Variants in SYNE1 observed in about 807,000 individuals in gnomAD.
The protein encoded by SYNE1 is spectrin repeat containing nuclear envelope protein 1, also known as nesprin-1.
A neutral mutation model predicts 1,111.0 loss-of-function variants in SYNE1; 616 were observed. The observed-to-expected ratio is 0.55, with a 90% CI of 0.52 to 0.59. The LOEUF is 0.59. Ranked by LOEUF, SYNE1 falls within the 20% of genes least tolerant of loss-of-function variation. The pLI is 0.00. For missense variants in SYNE1, 10,006 were observed against 10,417.0 expected (o/e 0.96, Z 1.72); for synonymous variants, 3,855 against 3,825.8 (o/e 1.01, Z -0.28).
chr6:152,247,853 T>TTC lies in SYNE1; in HGVS notation c.19572+1307_19572+1308insGA, dbSNP rs1188965897. Among the ~76,000 whole-genome samples, 4 of 83,900 alleles carry TTC rather than the reference T, an allele frequency of 4.8e-5. No homozygotes were observed. The South Asian group carries it at 1.5e-3, about 32-fold the overall frequency. 55.0% of individuals were successfully genotyped at this position (83,900 alleles called of 152,430 possible). A position where few individuals can be genotyped will look rare whatever the true frequency, so the allele number is the denominator to read the frequency against. ...TGCAAACTATTTTGAGAGGTGTTCT[T>TTC]TAACACACACACACACACACACACA... On this transcript the variant is annotated intron_variant, in intron 105 of 145. Coordinates refer to ENST00000367255, the MANE Select transcript of SYNE1 (RefSeq NM_182961.4).
At chr6:152,439,805 A>G (rs548073821) in intron 32 of SYNE1, among the ~76,000 whole-genome samples, 34 of 152,280 alleles carry the variant, frequency 2.2e-4, no homozygotes, top group African/African-American at 7.7e-4. Context: ...CAGTCTTTCT[A>G]TAAACCCCAA....
chr6:152,401,176 C>A lies in SYNE1; in HGVS notation c.6991G>T (p.Ala2331Ser), dbSNP rs2097809640. 1 of 1,613,992 alleles carries A rather than the reference C, an allele frequency of 6.2e-7. No individual in the cohort carries two copies. The highest frequency in any genetic ancestry group is 1.3e-5 in the African/African-American group (1 of 74,922). ...AATGCTTCACAAGTCTCATTTTGGG[C>A]ACAGTTCATCAACGATTCTTCCACT... Reference protein sequence around the residue: ...TKVEESLMNCAQNETCEALKK... With the variant: ...TKVEESLMNCSQNETCEALKK... Residue 2331 changes from alanine (A) to serine (S), a missense_variant, in exon 47 of 146, where the codon GCC (alanine) becomes TCC (serine). Around this residue, in one of 7 missense-constraint regions of SYNE1, gnomAD observed 4,955 missense variants for 5,017.2 expected, o/e 0.99. Transcript: ENST00000367255.
At chr6:152,319,791 T>G (rs920823260) in intron 84 of SYNE1, 1 of 152,118 alleles carries the variant, frequency 6.6e-6, no homozygotes, top group African/African-American at 2.4e-5. Flanking sequence ...GAAATACATA[T>G]GAATAAGGCT....
At chr6:152,164,957 A>G (rs2063317312) in intron 130 of SYNE1, among the ~76,000 whole-genome samples, 1 of 152,168 alleles carries the variant, frequency 6.6e-6, no homozygotes, top group Admixed American at 6.5e-5. Context: ...AAAATATGTC[A>G]AGAGCAACAT....
chr6:152,300,504 T>C (rs2095111256), intron 93 of SYNE1, 137 bp downstream of exon 93: 5 of 1,247,372 alleles, frequency 4.0e-6, no homozygotes, highest in Non-Finnish European at 5.8e-6. Flanking sequence ...TTTGTGCAAC[T>C]ATAACACCTA....
intron 105 of SYNE1, among the ~76,000 whole-genome samples, chr6:152,246,866 A>T (rs994192820): frequency 1.3e-5 from 2 of 152,196 alleles, no homozygotes; most frequent in Non-Finnish European, 2.9e-5. Flanking sequence ...AAAGCCTTGA[A>T]ACTCCAAAAG....
chr6:152,187,066 A>C, intron 128 of SYNE1, among the ~76,000 whole-genome samples: 1 of 152,252 alleles, frequency 6.6e-6, no homozygotes, highest in East Asian at 1.9e-4. Flanking sequence ...GCGTAAATCC[A>C]TGTAAATTCC....
intron 3 of SYNE1, among the ~76,000 whole-genome samples, chr6:152,602,239 C>A (rs1051830890): frequency 6.6e-6 from 1 of 152,100 alleles, no homozygotes; most frequent in African/African-American, 2.4e-5. Context: ...CTTTCAAGTT[C>A]AAGTAAGCTC....
At chr6:152,373,381 G>A (rs1372433078) in intron 58 of SYNE1, among the ~76,000 whole-genome samples, 162 bp from the exon 59 acceptor site, 2 of 151,930 alleles carry the variant, frequency 1.3e-5, no homozygotes, top group African/African-American at 4.8e-5. Flanking sequence ...CTGCGTTCAA[G>A]CAATTCTCCT....
At chr6:152,304,050 A>G (rs2095296416) in intron 91 of SYNE1, among the ~76,000 whole-genome samples, 1 of 152,236 alleles carries the variant, frequency 6.6e-6, no homozygotes, top group South Asian at 2.1e-4. Context: ...ATAGTATAGG[A>G]ATTTTTAAAA....
chr6:152,496,171 C>G (rs1006309959), intron 11 of SYNE1, among the ~76,000 whole-genome samples: 1 of 152,164 alleles, frequency 6.6e-6, no homozygotes, highest in African/African-American at 2.4e-5. Context: ...TCCTCTTCCC[C>G]TCATGACACC....
At chr6:152,270,581 G>C (rs1284115404) in intron 98 of SYNE1, among the ~76,000 whole-genome samples, 4 of 152,188 alleles carry the variant, frequency 2.6e-5, no homozygotes, top group Admixed American at 2.6e-4. Context: ...TTCTGAATGA[G>C]AGCTTTTCTA....
Position 152,399,679 on chromosome 6 carries a change from C to A in SYNE1, c.7174G>T (p.Val2392Leu). 6.2e-7 allele frequency: 1 copy of A among 1,614,130 alleles called. No homozygotes were observed. The highest frequency in any genetic ancestry group is 8.5e-7 in the Non-Finnish European group (1 of 1,180,010). Residue 2392 changes from valine to leucine, a missense_variant, in exon 48 of 146, where the codon GTG becomes TTG. Physicochemically the swap from Val to Leu is conservative, Grantham distance 32 (BLOSUM62 1). Around this residue, in one of 7 missense-constraint regions of SYNE1, gnomAD observed 4,955 missense variants for 5,017.2 expected, o/e 0.99. Transcript: ENST00000367255. ...MTGLIKKHEA[V>L]SQLCSKTQAS... ...TGGGTTTTGGAGCACAACTGGCTCACGGCTTCATGTTTCTTTATCAGACCA... is the reference window on the plus strand; with the variant it reads ...TGGGTTTTGGAGCACAACTGGCTCAAGGCTTCATGTTTCTTTATCAGACCA...
rs1394635601 is a variant in SYNE1 at position 152,139,978 on chromosome 6, G to A, written c.25430C>T (p.Thr8477Ile). The A allele has an allele frequency of 6.2e-6, 10 of 1,613,862 alleles. No homozygotes were observed. Among genetic ancestry groups the A allele is most frequent in the African/African-American group, 1.3e-5 (1 of 74,924 alleles). The change falls in exon 140 of 146, where the codon ACC becomes ATC. Residue 8477 changes from threonine to isoleucine, a missense_variant. Physicochemically the swap from Thr to Ile is moderately conservative, Grantham distance 89. Coordinates refer to ENST00000367255, the MANE Select transcript of SYNE1 (RefSeq NM_182961.4). ...QRLELSTDIQ[T>I]IELQIKKLKE... is the part of the protein sequence containing the mutation. ...GAGCTTTTTGATCTGGAGCTCGATG[G>A]TCTGGATGTCAGTGCTGAGTTCCAG...
intron 53 of SYNE1, 52 bp from the exon 54 acceptor site, chr6:152,387,433 T>A (rs2097540855): frequency 6.4e-7 from 1 of 1,571,858 alleles, no homozygotes; most frequent in Admixed American, 1.7e-5. Context: ...ACATCTCTAC[T>A]GAAAACCAAT....
chr6:152,462,472 T>C (rs2098739963), intron 20 of SYNE1: 9 of 580,898 alleles, frequency 1.5e-5, no homozygotes, highest in Non-Finnish European at 2.4e-5. Context: ...AGATGTCTCC[T>C]GTTTTTTCCT....
At chr6:152,453,255 C>G (rs562543279) in intron 25 of SYNE1, among the ~76,000 whole-genome samples, 2 of 151,628 alleles carry the variant, frequency 1.3e-5, no homozygotes, top group African/African-American at 4.9e-5. Context: ...GTAGGTATAC[C>G]TAGCAAGATT....
chr6:152,373,389 C>T (rs1168604330), intron 58 of SYNE1, among the ~76,000 whole-genome samples, 170 bp from the exon 59 acceptor site: 1 of 151,904 alleles, frequency 6.6e-6, no homozygotes, highest in Non-Finnish European at 1.5e-5. Flanking sequence ...AAGCAATTCT[C>T]CTGCCTCAGC....
chr6:152,227,027 C>A (rs956845182), intron 115 of SYNE1, among the ~76,000 whole-genome samples: 2 of 152,142 alleles, frequency 1.3e-5, no homozygotes, highest in African/African-American at 4.8e-5. Flanking sequence ...TTTCACCCCC[C>A]TCATGATCCA....
Sources: gnomAD v4.1 joint callset for allele counts (sites outside exome capture counted in the v4.1 genomes callset) on GRCh38, gnomAD v4.1.1 for gene constraint, gnomAD v4.1.1 regional missense constraint, MANE v1.5 for transcripts, NCBI Gene and HGNC (gene_info 2026-07-23, HGNC 2026-07-21) for gene names.